Variants in SMURF1 observed in about 807,000 individuals in gnomAD.
SMURF1 encodes SMAD specific E3 ubiquitin protein ligase 1.
SMURF1 carries 44 observed loss-of-function variants against 98.0 expected under a neutral mutation model. That is an observed-to-expected ratio of 0.45 (90% confidence interval 0.35 to 0.58). SMURF1 has a LOEUF of 0.58. SMURF1 is among the 20% of genes least tolerant of loss of function. The pLI, the probability that SMURF1 is intolerant of heterozygous loss-of-function variation, is 0.00. For missense variants in SMURF1, 687 were observed against 938.4 expected (o/e 0.73, Z 3.50); for synonymous variants, 396 against 374.9 (o/e 1.06, Z -0.65).
rs1180360332 is a variant in SMURF1 at position 99,088,174 on chromosome 7, C to T, written c.56-26337G>A. Reference sequence around the variant, plus strand: ...TCGGGAGGCTGAGGCAGGAGAATCACTTGAACTTCTTAGGTGGAGGCTGCA... The same window carrying T: ...TCGGGAGGCTGAGGCAGGAGAATCATTTGAACTTCTTAGGTGGAGGCTGCA... On this transcript the variant is annotated intron_variant, in intron 1 of 17. Transcript: ENST00000361368. Among the ~76,000 whole-genome samples the T allele has an allele frequency of 4.0e-5, 6 of 151,890 alleles. No individual in the cohort carries two copies. In the East Asian group the frequency reaches 1.2e-3, roughly 30 times the overall value.
At chr7:99,127,931 T>C in intron 1 of SMURF1, among the ~76,000 whole-genome samples, 1 of 152,230 alleles carries the variant, frequency 6.6e-6, no homozygotes, top group Non-Finnish European at 1.5e-5. Context: ...CTTAAATCGA[T>C]AAACTGTCTC....
intron 1 of SMURF1, among the ~76,000 whole-genome samples, chr7:99,073,386 A>G (rs1796376855): frequency 6.6e-6 from 1 of 151,750 alleles, no homozygotes; most frequent in African/African-American, 2.4e-5. Flanking sequence ...TCAAAAAAAA[A>G]AAAAAGAAAA....
intron 1 of SMURF1, among the ~76,000 whole-genome samples, chr7:99,085,536 A>G (rs1796661760): frequency 6.6e-6 from 1 of 152,176 alleles, no homozygotes; most frequent in Admixed American, 6.5e-5. Flanking sequence ...AGACTAATAC[A>G]CCCATTATCA....
chr7:99,051,146 T>C (rs1795744565), intron 8 of SMURF1, among the ~76,000 whole-genome samples: 1 of 152,206 alleles, frequency 6.6e-6, no homozygotes, highest in African/African-American at 2.4e-5. Flanking sequence ...ATGGTCAACC[T>C]TGTTTCAAAG....
intron 1 of SMURF1, among the ~76,000 whole-genome samples, chr7:99,092,989 G>A (rs978647252): frequency 6.6e-6 from 1 of 152,114 alleles, no homozygotes. Context: ...CTCTTCCGCT[G>A]TCAGAGCTGG....
chr7:99,138,952 A>G (rs1798054374), intron 1 of SMURF1, among the ~76,000 whole-genome samples: 1 of 152,194 alleles, frequency 6.6e-6, no homozygotes, highest in African/African-American at 2.4e-5. Context: ...CTTGAGGCAG[A>G]CCCTAAGGAA....
In SMURF1 at chr7:99,027,952, G is replaced by A. The variant is rs906382114; in HGVS notation, c.*2632C>T. 6.5e-6 allele frequency: 1 copy of A among 152,678 alleles called. No homozygotes were observed. The allele number at this position is 152,678 out of a possible 1,614,324, so 9.5% of individuals were successfully genotyped here. On this transcript the variant is annotated 3_prime_UTR_variant, in exon 18 of 18. Transcript: ENST00000361368. ...CAGATTCTCTTTTCAGAACTTGAGA[G>A]AGCCCTTTTCCGGTCGCCCCGGGCC...
intron 1 of SMURF1, among the ~76,000 whole-genome samples, chr7:99,119,003 ATTTTTTTTTTTTTT>A (rs67705340): frequency 2.1e-4 from 9 of 42,930 alleles, no homozygotes; most frequent in Non-Finnish European, 2.9e-4. Context: ...TAACATGCCA[ATTTTTTTTTTTTTT>A]TTTTTTTTTT....
intron 1 of SMURF1, among the ~76,000 whole-genome samples, chr7:99,103,811 T>A (rs1490928023): frequency 2.0e-5 from 3 of 152,066 alleles, no homozygotes; most frequent in Non-Finnish European, 4.4e-5. Context: ...AAGAGAAAAT[T>A]CATATATTGA....
chr7:99,052,349 C>T lies in SMURF1; in HGVS notation c.577G>A (p.Gly193Arg). 6.2e-7 allele frequency: 1 copy of T among 1,612,632 alleles called. No homozygotes were observed. Among genetic ancestry groups the T allele is most frequent in the Non-Finnish European group, 8.5e-7 (1 of 1,179,360 alleles). ...GGGGACTCCACGAACCTGCAATTCC[C>T]TCCTCCAGCAGCAGCACCGGTGCTA... ...TDSTGAAAGG[G>R]NCRFVESPSQ... The change falls in exon 7 of 18, where the codon GGG (glycine) becomes AGG (arginine). Residue 193 changes from glycine (G) to arginine (R), a missense_variant. Gly to Arg is a moderately radical substitution (Grantham distance 125). Around this residue, in one of 2 missense-constraint regions of SMURF1, gnomAD observed 415 missense variants for 508.4 expected, o/e 0.82. Transcript: ENST00000361368.
intron 1 of SMURF1, among the ~76,000 whole-genome samples, chr7:99,099,653 G>A (rs1011471324): frequency 6.6e-6 from 1 of 152,106 alleles, no homozygotes; most frequent in African/African-American, 2.4e-5. Context: ...TGGGTCATGG[G>A]GGTGGAGCTC....
chr7:99,040,989 C>T (rs1420250014), intron 12 of SMURF1, among the ~76,000 whole-genome samples: 2 of 152,166 alleles, frequency 1.3e-5, no homozygotes, highest in Non-Finnish European at 2.9e-5. Flanking sequence ...CCTTCCTCCT[C>T]CACCACCACT....
chr7:99,036,882 T>C (rs1192137161), intron 15 of SMURF1, among the ~76,000 whole-genome samples, 185 bp downstream of exon 15: 1 of 152,132 alleles, frequency 6.6e-6, no homozygotes, highest in Non-Finnish European at 1.5e-5. Context: ...TCTCGCCGGT[T>C]ACTAACTGGC....
chr7:99,060,125 C>A (rs1037218908), intron 3 of SMURF1, among the ~76,000 whole-genome samples: 4 of 151,948 alleles, frequency 2.6e-5, no homozygotes, highest in South Asian at 2.1e-4. Context: ...CGCCTGTAAT[C>A]CCAACACTTT....
At chr7:99,048,061 A>G (rs1369156785) in intron 9 of SMURF1, 179 bp from the exon 10 acceptor site, 7 of 617,490 alleles carry the variant, frequency 1.1e-5, no homozygotes, top group South Asian at 5.7e-5. Context: ...TGATGGCCAC[A>G]TTAGCCTAAA....
At chr7:99,099,811 C>A (rs548821975) in intron 1 of SMURF1, among the ~76,000 whole-genome samples, 1 of 152,318 alleles carries the variant, frequency 6.6e-6, no homozygotes, top group Admixed American at 6.5e-5. Flanking sequence ...ATCATTTCCA[C>A]TTCTGTTTTC....
chr7:99,046,087 C>T (rs769992087), intron 10 of SMURF1, among the ~76,000 whole-genome samples: 26 of 152,102 alleles, frequency 1.7e-4, no homozygotes, highest in Non-Finnish European at 3.5e-4. Context: ...GGACAAAACT[C>T]ACTAGGGTTG....
intron 11 of SMURF1, among the ~76,000 whole-genome samples, chr7:99,042,763 C>G (rs1429602378): frequency 6.6e-6 from 1 of 152,206 alleles, no homozygotes; most frequent in Non-Finnish European, 1.5e-5. Context: ...GAAGAGTCTT[C>G]TATTCATTCT....
At chr7:99,045,581 G>A in intron 11 of SMURF1, 117 bp downstream of exon 11, 2 of 789,124 alleles carry the variant, frequency 2.5e-6, no homozygotes, top group Non-Finnish European at 4.2e-6. Context: ...ACTGCTCCAA[G>A]GAGACATCAG....
Sources: allele counts gnomAD v4.1 joint callset (sites outside exome capture counted in the v4.1 genomes callset), GRCh38; gene constraint gnomAD v4.1.1; regional missense constraint gnomAD v4.1.1; transcripts MANE v1.5; gene names NCBI Gene and HGNC (gene_info 2026-07-23, HGNC 2026-07-21).